The following EFS variants were observed in gnomAD, a reference collection of about 807,000 sequenced individuals.
EFS encodes embryonal Fyn-associated substrate, also known as Cas scaffolding protein family member 3.
EFS carries 34 observed loss-of-function variants against 42.2 expected under a neutral mutation model. The observed-to-expected ratio is 0.81, with a 90% confidence interval of 0.61 to 1.07. The LOEUF (loss-of-function observed/expected upper bound fraction) is 1.07. Among genes scored for constraint, EFS ranks in the 50% least tolerant of loss-of-function variants. The pLI, the probability that EFS is intolerant of heterozygous loss-of-function variation, is 0.00. For synonymous variants in EFS, 299 were observed against 320.7 expected (o/e 0.93, Z 0.72); for missense variants, 717 against 729.4 (o/e 0.98, Z 0.20).
At position 23,357,189 on chromosome 14, in the gene EFS, G is replaced by A. The variant is rs747562811; in HGVS notation, c.*37C>T. 3 of 1,477,414 alleles carry A rather than the reference G, an allele frequency of 2.0e-6. No homozygotes were observed. The highest frequency in any genetic ancestry group is 1.9e-4 in the Middle Eastern group (1 of 5,146). 91.5% of individuals were successfully genotyped at this position (1,477,414 alleles called of 1,614,324 possible). A position where few individuals can be genotyped will look rare whatever the true frequency, so the allele number is the denominator to read the frequency against. On this transcript the variant is annotated 3_prime_UTR_variant, in exon 6 of 6. Coordinates refer to ENST00000216733, the MANE Select transcript of EFS (RefSeq NM_005864.4). ...ACCCAAGGCCTAAAGGGGGGCTTTG[G>A]CAGGCAGGGGAGGAGCAGAGCTGTG... is the stretch of plus-strand genomic sequence containing the variant.
Position 23,356,720 on chromosome 14 carries a change from C to T in EFS, c.*506G>A, listed in dbSNP as rs188601644. On this transcript the variant is annotated 3_prime_UTR_variant, in exon 6 of 6. Transcript: ENST00000216733. Reference sequence around the variant, plus strand: ...CATGTCTGAGCCCCAGCTCTCTCCGCCTTCTGTGGGGAGAAGCCCTCCGGT... The same window carrying T: ...CATGTCTGAGCCCCAGCTCTCTCCGTCTTCTGTGGGGAGAAGCCCTCCGGT... The T allele has an allele frequency of 7.2e-5, 11 of 152,480 alleles. No individual in the cohort carries two copies. Among genetic ancestry groups the T allele is most frequent in the African/African-American group, 2.4e-4 (10 of 41,588 alleles). The allele number at this position is 152,480 out of a possible 1,614,324, so 9.4% of individuals were successfully genotyped here.
intron 1 of EFS, 54 bp from the exon 2 acceptor site, chr14:23,360,887 C>G: frequency 2.0e-6 from 3 of 1,537,176 alleles, no homozygotes; most frequent in Non-Finnish European, 1.8e-6. Flanking sequence ...TTTCAGGTCA[C>G]GTCACCCCTG....
Position 23,360,299 on chromosome 14 carries a change from T to TG in EFS, c.298-19dup. On this transcript the variant is annotated intron_variant, in intron 2 of 5. Coordinates refer to ENST00000216733, the MANE Select transcript of EFS (RefSeq NM_005864.4). ...ACATACACCTGAGGGATCAAATAGA[T>TG]GGGGGGTCAGGAGGAACGGAGGGGC... is the stretch of plus-strand genomic sequence containing the variant. The TG allele has an allele frequency of 6.3e-7, 1 of 1,599,830 alleles. No homozygotes were observed. Among genetic ancestry groups the TG allele is most frequent in the Non-Finnish European group, 8.5e-7 (1 of 1,173,164 alleles).
chr14:23,360,446 G>A, intron 2 of EFS, 109 bp downstream of exon 2: 2 of 1,490,678 alleles, frequency 1.3e-6, no homozygotes, highest in Non-Finnish European at 1.8e-6. Context: ...GCAGTGAAGA[G>A]CTGTGGCCTC....
At chr14:23,361,688 C>A (rs1421637320) in intron 1 of EFS, among the ~76,000 whole-genome samples, 1 of 152,310 alleles carries the variant, frequency 6.6e-6, no homozygotes, top group African/African-American at 2.4e-5. Context: ...CCAGTCCTGT[C>A]TGGTGGGGGC....
intron 2 of EFS, 24 bp from the exon 3 acceptor site, chr14:23,360,305 G>T (rs537153432): frequency 4.4e-6 from 7 of 1,596,326 alleles, no homozygotes; most frequent in African/African-American, 2.7e-5. Flanking sequence ...TAGATGGGGG[G>T]TCAGGAGGAA....
At position 23,357,175 on chromosome 14, in the gene EFS, A is replaced by C; in HGVS notation, c.*51T>G. On this transcript the variant is annotated 3_prime_UTR_variant, in exon 6 of 6. Transcript: ENST00000216733. ...AAAGCCTTCCAGCCACCCAAGGCCT[A>C]AAGGGGGGCTTTGGCAGGCAGGGGA... 6.8e-7 allele frequency: 1 copy of C among 1,470,944 alleles called. No homozygotes were observed. The highest frequency in any genetic ancestry group is 1.5e-5 in the South Asian group (1 of 67,850). The allele number at this position is 1,470,944 out of a possible 1,614,324, so 91.1% of individuals were successfully genotyped here.
rs927690975 is a variant in EFS, at chr14:23,358,950, G to A, written c.1177C>T (p.Gln393Ter). ...YVHLKGMDKA[Q>*]GSRPPDQACT... Reference sequence around the variant, plus strand: ...GCCTGATCCGGGGGCCTAGATCCCTGAGCTTTGTCCATGCCCTGCAGGAGG... The same window carrying A: ...GCCTGATCCGGGGGCCTAGATCCCTAAGCTTTGTCCATGCCCTGCAGGAGG... The change falls in exon 5 of 6, where the codon CAG becomes TAG. Residue 393 changes from glutamine (Q) to a stop codon, truncating the protein, a stop_gained. Coordinates refer to ENST00000216733, the MANE Select transcript of EFS (RefSeq NM_005864.4). LOFTEE classifies it high-confidence loss of function. 2 of 1,612,570 alleles carry A rather than the reference G, an allele frequency of 1.2e-6. No homozygotes were observed. The highest frequency in any genetic ancestry group is 2.2e-5 in the East Asian group (1 of 44,822).
In EFS at chr14:23,359,969, GA is replaced by G; in HGVS notation, c.508del (p.Ser170ProfsTer4). ...SGPYDCPASF[S>X]HPLTRVAPQP... ...CGGGGCAACCCGGGTCAGAGGGTGG[GA>G]AAAGGAGGCAGGGCAGTCATAGGGG... On this transcript the variant is annotated frameshift_variant, in exon 4 of 6. Transcript: ENST00000216733. LOFTEE classifies it high-confidence loss of function. 1.9e-6 allele frequency: 3 copies of G among 1,578,958 alleles called. No individual in the cohort carries two copies. Among genetic ancestry groups the G allele is most frequent in the Non-Finnish European group, 2.6e-6 (3 of 1,163,656 alleles).
Position 23,357,068 on chromosome 14 carries a change from G to A in EFS, c.*158C>T. 1.8e-6 allele frequency: 1 copy of A among 566,080 alleles called. No individual in the cohort carries two copies. Among genetic ancestry groups the A allele is most frequent in the Non-Finnish European group, 2.8e-6 (1 of 351,238 alleles). The allele number at this position is 566,080 out of a possible 1,614,324, so 35.1% of individuals were successfully genotyped here. ...TACAAAAAGCTGTAGGTTAGGGGGA[G>A]AAGACACCTCTGTGAGAGGTTGAGA... On this transcript the variant is annotated 3_prime_UTR_variant, in exon 6 of 6. Coordinates refer to ENST00000216733, the MANE Select transcript of EFS (RefSeq NM_005864.4).
intron 4 of EFS, 37 bp from the exon 5 acceptor site, chr14:23,359,002 G>A (rs372772066): frequency 1.9e-6 from 3 of 1,562,350 alleles, no homozygotes; most frequent in Admixed American, 3.8e-5. Context: ...TCGGGGTGGG[G>A]GAGCAGGACG....
Position 23,360,209 on chromosome 14 carries a change from G to A in EFS, c.370C>T (p.Pro124Ser). Residue 124 changes from proline (P) to serine (S), a missense_variant, in exon 3 of 6, where the codon CCT becomes TCT. Coordinates refer to ENST00000216733, the MANE Select transcript of EFS (RefSeq NM_005864.4). ...GPPAGPCPPS[P>S]DLIYKIPRAS... ...CTGGGGATTTTGTAGATGAGGTCAG[G>A]AGAGGGTGGGCAAGGTCCAGCTGGA... 5.6e-6 allele frequency: 9 copies of A among 1,614,132 alleles called. No individual in the cohort carries two copies. The highest frequency in any genetic ancestry group is 7.6e-6 in the Non-Finnish European group (9 of 1,180,014).
chr14:23,364,900 A>T (rs1890270677), intron 1 of EFS, 108 bp downstream of exon 1: 1 of 1,044,816 alleles, frequency 9.6e-7, no homozygotes, highest in Admixed American at 4.3e-5. Context: ...CCTGGAGAAG[A>T]AAGGGACCAA....
chr14:23,360,779 A>T lies in EFS; in HGVS notation c.73T>A (p.Ser25Thr). 6.2e-7 allele frequency: 1 copy of T among 1,613,898 alleles called. No individual in the cohort carries two copies. The highest frequency in any genetic ancestry group is 1.1e-5 in the South Asian group (1 of 91,064). Residue 25 changes from serine to threonine, a missense_variant, in exon 2 of 6, where the codon TCC becomes ACC. Transcript: ENST00000216733. ...CGTAGGACATCCCCTCGGCGGAAGG[A>T]CAGCTCCTGGGGGGACTCAGCGGTG... ...DNTAESPQEL[S>T]FRRGDVLRVL... is the part of the protein sequence containing the mutation.
At position 23,360,301 on chromosome 14, in the gene EFS, G is replaced by A. The variant is rs766968666; in HGVS notation, c.298-20C>T. ...ATACACCTGAGGGATCAAATAGATG[G>A]GGGGTCAGGAGGAACGGAGGGGCCG... On this transcript the variant is annotated intron_variant, in intron 2 of 5. Transcript: ENST00000216733. 5.0e-6 allele frequency: 8 copies of A among 1,599,462 alleles called. No homozygotes were observed. In the East Asian group the frequency reaches 1.3e-4, roughly 27 times the overall value.
chr14:23,360,319 A>C (rs375980415), intron 2 of EFS, 38 bp from the exon 3 acceptor site: 24 of 1,582,442 alleles, frequency 1.5e-5, no homozygotes, highest in Non-Finnish European at 2.1e-5. Context: ...GGAGGAACGG[A>C]GGGGCCGGTG....
intron 1 of EFS, among the ~76,000 whole-genome samples, chr14:23,363,755 T>C (rs1399530273): frequency 6.6e-6 from 1 of 151,900 alleles, no homozygotes; most frequent in African/African-American, 2.4e-5. Flanking sequence ...CTGGGCAACA[T>C]GGCGAAACCC....
Position 23,359,300 on chromosome 14 carries a change from T to A in EFS, c.1161+17A>T, listed in dbSNP as rs1238113133. The A allele has an allele frequency of 3.7e-6, 6 of 1,612,176 alleles. No individual in the cohort carries two copies. Among genetic ancestry groups the A allele is most frequent in the Non-Finnish European group, 5.1e-6 (6 of 1,179,914 alleles). ...CCTCTGGGGTCCCTCCTGGTGGGGC[T>A]GCCAAGGGGCGCTCACCTTCAGGTG... is the stretch of plus-strand genomic sequence containing the variant. On this transcript the variant is annotated intron_variant, in intron 4 of 5. Transcript: ENST00000216733.
chr14:23,361,448 G>C (rs1251141855), intron 1 of EFS, among the ~76,000 whole-genome samples: 1 of 152,228 alleles, frequency 6.6e-6, no homozygotes, highest in Non-Finnish European at 1.5e-5. Context: ...CAGAAACAAA[G>C]CAATTGTTTT....
Sources: gnomAD v4.1 joint callset for allele counts (sites outside exome capture counted in the v4.1 genomes callset) on GRCh38, gnomAD v4.1.1 for gene constraint, MANE v1.5 for transcripts, NCBI Gene and HGNC (gene_info 2026-07-23, HGNC 2026-07-21) for gene names.